Variants in LRP1B observed in about 807,000 individuals in gnomAD.
LRP1B encodes LDL receptor related protein 1B.
LRP1B carries 217 observed loss-of-function variants against 556.6 expected under a neutral mutation model. That is an observed-to-expected ratio of 0.39 (90% CI 0.35 to 0.44). The LOEUF is 0.44. Among genes scored for constraint, LRP1B ranks in the 20% least tolerant of loss-of-function variants. The pLI, the probability that LRP1B is intolerant of heterozygous loss-of-function variation, is 1.00. For missense variants in LRP1B, 5,053 were observed against 5,620.8 expected (o/e 0.90, Z 3.23); for synonymous variants, 2,047 against 1,865.8 (o/e 1.10, Z -2.50).
chr2:141,168,008 T>A (rs1295878677), intron 7 of LRP1B, among the ~76,000 whole-genome samples: 2 of 152,006 alleles, frequency 1.3e-5, no homozygotes, highest in African/African-American at 4.8e-5. Flanking sequence ...TGAAGATGTA[T>A]CTATTAAAAT....
chr2:140,523,317 G>T (rs1011834199), intron 49 of LRP1B, among the ~76,000 whole-genome samples: 10 of 151,856 alleles, frequency 6.6e-5, no homozygotes, highest in African/African-American at 2.4e-4. Flanking sequence ...AATAGACACA[G>T]AAAAAGCATT....
chr2:140,803,290 T>TTTTTTTTTTTTTTTTTTTTTTTTTC (rs869303438), intron 32 of LRP1B, among the ~76,000 whole-genome samples: 1 of 115,260 alleles, frequency 8.7e-6, no homozygotes, highest in African/African-American at 3.5e-5. Flanking sequence ...TTTTTTTTTT[T>TTTTTTTTTTTTTTTTTTTTTTTTTC]CCGAGATGGA....
chr2:141,910,938 A>G (rs1699892540), intron 1 of LRP1B, among the ~76,000 whole-genome samples: 1 of 152,132 alleles, frequency 6.6e-6, no homozygotes, highest in African/African-American at 2.4e-5. Flanking sequence ...TTTTATTCAA[A>G]CAGGTGATAT....
At chr2:141,886,286 A>G (rs1269503092) in intron 1 of LRP1B, among the ~76,000 whole-genome samples, 1 of 152,138 alleles carries the variant, frequency 6.6e-6, no homozygotes, top group East Asian at 1.9e-4. Flanking sequence ...GGACATTTCC[A>G]TTATATTTTT....
At chr2:142,102,326 A>C (rs1405902679) in intron 1 of LRP1B, among the ~76,000 whole-genome samples, 3 of 151,696 alleles carry the variant, frequency 2.0e-5, no homozygotes, top group Non-Finnish European at 4.4e-5. Flanking sequence ...CACACACACA[A>C]AAGAAAACAT....
chr2:141,620,694 A>G (rs1688475732), intron 2 of LRP1B, among the ~76,000 whole-genome samples: 1 of 152,206 alleles, frequency 6.6e-6, no homozygotes, highest in African/African-American at 2.4e-5. Context: ...ACAAAATTTA[A>G]ATATTCTTAA....
At chr2:141,508,101 G>A (rs66741925) in intron 2 of LRP1B, among the ~76,000 whole-genome samples, 11,335 of 147,494 alleles carry the variant, frequency 0.077, 489 homozygotes, top group South Asian at 0.1. Flanking sequence ...CAAAAAAAAA[G>A]AAAGAAAAGA....
chr2:142,088,194 G>T (rs1202313212), intron 1 of LRP1B, among the ~76,000 whole-genome samples: 1 of 152,088 alleles, frequency 6.6e-6, no homozygotes, highest in Non-Finnish European at 1.5e-5. Flanking sequence ...TTTGCATAAA[G>T]GATATCAGTT....
At chr2:141,896,411 T>C (rs890195122) in intron 1 of LRP1B, among the ~76,000 whole-genome samples, 2 of 152,218 alleles carry the variant, frequency 1.3e-5, no homozygotes, top group African/African-American at 4.8e-5. Context: ...CAAATGATGC[T>C]GTTTACATGA....
chr2:140,762,468 G>A (rs983389599), intron 35 of LRP1B, among the ~76,000 whole-genome samples: 2 of 151,094 alleles, frequency 1.3e-5, no homozygotes, highest in Admixed American at 6.6e-5. Flanking sequence ...CAAATATTAA[G>A]GGTTTTTTTT....
intron 43 of LRP1B, among the ~76,000 whole-genome samples, chr2:140,583,162 CTTTTTTTTCTT>C (rs751516777): frequency 0.22 from 23,589 of 106,734 alleles, 2,326 homozygotes; most frequent in Admixed American, 0.3. Flanking sequence ...ACAGTTTCTC[CTTTTTTTTCTT>C]TTTTTTTTTT....
chr2:141,284,890 A>G (rs1028892705), intron 3 of LRP1B, among the ~76,000 whole-genome samples: 2 of 152,192 alleles, frequency 1.3e-5, no homozygotes, highest in Non-Finnish European at 2.9e-5. Context: ...CAAGCAGTGT[A>G]AAATTATCCG....
In LRP1B at chr2:140,284,319, C is replaced by T. The variant is rs535018077; in HGVS notation, c.12968-9721G>A. 2.0e-3 allele frequency among the ~76,000 whole-genome samples: 217 copies of T among 108,702 alleles called. 1 individual carries two copies. Among genetic ancestry groups the T allele is most frequent in the Admixed American group, 4.6e-3 (35 of 7,644 alleles). The allele number at this position is 108,702 out of a possible 152,430, so 71.3% of individuals were successfully genotyped here. The stretch of plus-strand genomic sequence containing the variant: ...CCCCCCCTCCCCCCCAAAAAAAAAC[C>T]GTTTTTCAGAGTGCAAAGTAATGAC... On this transcript the variant is annotated intron_variant, in intron 84 of 90. Coordinates refer to ENST00000389484, the MANE Select transcript of LRP1B (RefSeq NM_018557.3).
At chr2:140,710,125 A>G (rs2105448021) in intron 37 of LRP1B, among the ~76,000 whole-genome samples, 1 of 152,214 alleles carries the variant, frequency 6.6e-6, no homozygotes, top group Non-Finnish European at 1.5e-5. Flanking sequence ...ACTCACATAC[A>G]ATTCTCATTT....
intron 1 of LRP1B, among the ~76,000 whole-genome samples, chr2:141,962,018 G>C (rs1411295581): frequency 1.3e-5 from 2 of 151,650 alleles, no homozygotes. Flanking sequence ...TTGTTATTTT[G>C]AAGATGCTTA....
chr2:140,740,462 G>A (rs1053586701), intron 35 of LRP1B, among the ~76,000 whole-genome samples: 3 of 152,230 alleles, frequency 2.0e-5, no homozygotes, highest in Admixed American at 6.5e-5. Context: ...TAAGCTATGA[G>A]GATGCAAAGG....
At chr2:140,313,639 A>G (rs1684400056) in intron 83 of LRP1B, among the ~76,000 whole-genome samples, 1 of 151,944 alleles carries the variant, frequency 6.6e-6, no homozygotes, top group East Asian at 1.9e-4. Context: ...AAATTTCCAA[A>G]CAATTAATTT....
At chr2:141,611,764 C>T (rs919783896) in intron 2 of LRP1B, among the ~76,000 whole-genome samples, 15 of 152,098 alleles carry the variant, frequency 9.9e-5, no homozygotes, top group Non-Finnish European at 1.3e-4. Flanking sequence ...TGCAAGAGAG[C>T]GTTCTGGGAA....
intron 3 of LRP1B, among the ~76,000 whole-genome samples, chr2:141,262,879 A>T (rs977496021): frequency 2.0e-5 from 3 of 151,948 alleles, no homozygotes; most frequent in Non-Finnish European, 4.4e-5. Context: ...TTTAGATTCT[A>T]GGTCCTTTAT....
Sources: gnomAD v4.1 joint callset for allele counts (sites outside exome capture counted in the v4.1 genomes callset) on GRCh38, gnomAD v4.1.1 for gene constraint, MANE v1.5 for transcripts, NCBI Gene and HGNC (gene_info 2026-07-23, HGNC 2026-07-21) for gene names.